The following KCNH5 variants were observed in gnomAD, a reference collection of about 807,000 sequenced individuals.
KCNH5 encodes the protein voltage-gated delayed rectifier potassium channel KCNH5.
In KCNH5, 46 loss-of-function variants were observed where a neutral mutation model predicts 96.1. The ratio of observed to expected loss-of-function variants is 0.48; its 90% CI spans 0.38 to 0.61. KCNH5 has a LOEUF of 0.61. KCNH5 is among the 20% of genes least tolerant of loss of function. The probability of loss-of-function intolerance (pLI) is 0.00; values close to 1 mark genes in which losing one functional copy is unlikely to be tolerated. For synonymous variants in KCNH5, 439 were observed against 449.8 expected, an observed-to-expected ratio of 0.98 and a Z score of 0.30; for missense variants, 907 against 1,225.8, an observed-to-expected ratio of 0.74 and a Z score of 3.88.
intron 4 of KCNH5, among the ~76,000 whole-genome samples, chr14:62,995,360 T>C (rs1488601663): frequency 6.6e-6 from 1 of 152,096 alleles, no homozygotes; most frequent in Non-Finnish European, 1.5e-5. Flanking sequence ...ACACTATTTC[T>C]TGTATGCTGG....
At chr14:62,720,207 T>C (rs1884777237) in intron 10 of KCNH5, among the ~76,000 whole-genome samples, 1 of 151,972 alleles carries the variant, frequency 6.6e-6, no homozygotes, top group Non-Finnish European at 1.5e-5. Context: ...GAAGATATAG[T>C]GGGTAGCCTT....
At chr14:62,945,723 A>T (rs10141487) in intron 7 of KCNH5, among the ~76,000 whole-genome samples, 106,147 of 151,898 alleles carry the variant, frequency 0.7, 37,960 homozygotes, top group East Asian at 0.9. Context: ...TAGAGGCGAT[A>T]CCGTGGAGAG....
At chr14:63,027,147 CAAACTCATAG>C (rs56799949) in intron 1 of KCNH5, among the ~76,000 whole-genome samples, 36,447 of 151,564 alleles carry the variant, frequency 0.24, 5,558 homozygotes, top group East Asian at 0.51. Context: ...TAAAAAAAGT[CAAACTCATAG>C]AAACAGAGAA....
At chr14:62,981,291 A>G (rs1890602623) in intron 5 of KCNH5, 27 bp from the exon 6 acceptor site, 2 of 1,607,958 alleles carry the variant, frequency 1.2e-6, no homozygotes, top group African/African-American at 2.7e-5. Context: ...GTATTTATAC[A>G]TGACTAGGTT....
chr14:62,743,613 G>T (rs1885317317), intron 10 of KCNH5, among the ~76,000 whole-genome samples: 1 of 152,068 alleles, frequency 6.6e-6, no homozygotes, highest in South Asian at 2.1e-4. Context: ...TGCCTCATTT[G>T]TGTAGGTAAA....
At chr14:62,835,218 CAACATGTGTATGTGTAAATGTTG>C (rs1422739848) in intron 8 of KCNH5, among the ~76,000 whole-genome samples, 1 of 151,874 alleles carries the variant, frequency 6.6e-6, no homozygotes, top group East Asian at 1.9e-4. Flanking sequence ...AACCATTTAC[CAACATGTGTATGTGTAAATGTTG>C]ATGTACATGG....
At position 62,701,680 on chromosome 14, in the gene KCNH5, T is replaced by C. The variant is rs1206171173; in HGVS notation, c.*5828A>G. ...GGTTTGGGCTGAAGATTCCAGCATG[T>C]AGTGTTGTAATATCTTGTTTTTTTC... On this transcript the variant is annotated 3_prime_UTR_variant, in exon 11 of 11. Coordinates refer to ENST00000322893, the MANE Select transcript of KCNH5 (RefSeq NM_139318.5). 1 of 152,142 alleles carries C rather than the reference T, an allele frequency of 6.6e-6. No homozygotes were observed. The highest frequency in any genetic ancestry group is 1.5e-5 in the Non-Finnish European group (1 of 67,992). 9.4% of individuals were successfully genotyped at this position (152,142 alleles called of 1,614,324 possible). A position where few individuals can be genotyped will look rare whatever the true frequency, so the allele number is the denominator to read the frequency against.
At chr14:62,885,570 T>C (rs543497814) in intron 7 of KCNH5, among the ~76,000 whole-genome samples, 30 of 152,296 alleles carry the variant, frequency 2.0e-4, no homozygotes, top group African/African-American at 7.2e-4. Flanking sequence ...ACAGTGAAAA[T>C]AACATCATAG....
chr14:62,789,088 C>T (rs1265843257), intron 9 of KCNH5, among the ~76,000 whole-genome samples: 4 of 152,068 alleles, frequency 2.6e-5, no homozygotes, highest in Admixed American at 1.3e-4. Flanking sequence ...CATTTCCTCC[C>T]ACCCTACTCC....
chr14:62,804,432 A>G (rs1886725137), intron 8 of KCNH5, among the ~76,000 whole-genome samples: 1 of 152,206 alleles, frequency 6.6e-6, no homozygotes, highest in Non-Finnish European at 1.5e-5. Flanking sequence ...ACAATGGGTC[A>G]CATCACTGTG....
At chr14:62,989,298 T>A (rs1268535778) in intron 4 of KCNH5, among the ~76,000 whole-genome samples, 2 of 152,080 alleles carry the variant, frequency 1.3e-5, no homozygotes, top group African/African-American at 4.8e-5. Context: ...TATTTTCTGA[T>A]CCAAGTGATT....
intron 4 of KCNH5, among the ~76,000 whole-genome samples, chr14:63,000,447 T>C (rs1215937137): frequency 2.0e-5 from 3 of 152,222 alleles, no homozygotes; most frequent in Non-Finnish European, 4.4e-5. Context: ...CACATGCCAC[T>C]GACTAGTGGT....
chr14:62,748,706 C>G (rs1595605157), intron 10 of KCNH5, among the ~76,000 whole-genome samples: 1 of 152,012 alleles, frequency 6.6e-6, no homozygotes, highest in Admixed American at 6.6e-5. Context: ...GGAGCTCAGT[C>G]AGAGAGCGTT....
In KCNH5 at chr14:62,819,317, A is replaced by G. The variant is rs541584178; in HGVS notation, c.1570-16736T>C. Among the ~76,000 whole-genome samples the G allele has an allele frequency of 3.3e-5, 5 of 152,326 alleles. No homozygotes were observed. The East Asian group carries it at 7.7e-4, about 23-fold the overall frequency. On this transcript the variant is annotated intron_variant, in intron 8 of 10. Transcript: ENST00000322893. Reference sequence around the variant, plus strand: ...ATAAAGTACTGATTCATGCCACAATATGGATGAACTTTGGAAACAGGTCAA... The same window carrying G: ...ATAAAGTACTGATTCATGCCACAATGTGGATGAACTTTGGAAACAGGTCAA...
rs144407097 is a variant in KCNH5, at chr14:62,734,338, C to G, written c.2020-25883G>C. Among the ~76,000 whole-genome samples, 5 of 152,320 alleles carry G rather than the reference C, an allele frequency of 3.3e-5. No individual in the cohort carries two copies. In the East Asian group the frequency reaches 9.6e-4, roughly 29 times the overall value. ...GCACACGGGATGCTCTACTGCTGCTCTGACCCTTACCTCTATCCTCAGTTT... is the reference window on the plus strand; with the variant it reads ...GCACACGGGATGCTCTACTGCTGCTGTGACCCTTACCTCTATCCTCAGTTT... On this transcript the variant is annotated intron_variant, in intron 10 of 10. Coordinates refer to ENST00000322893, the MANE Select transcript of KCNH5 (RefSeq NM_139318.5).
At chr14:62,737,066 A>G (rs1885174036) in intron 10 of KCNH5, among the ~76,000 whole-genome samples, 1 of 152,160 alleles carries the variant, frequency 6.6e-6, no homozygotes, top group Non-Finnish European at 1.5e-5. Flanking sequence ...TGTTCAAGCA[A>G]CAGTTTTTTA....
intron 10 of KCNH5, among the ~76,000 whole-genome samples, chr14:62,760,240 A>G (rs1360918275): frequency 6.6e-6 from 1 of 152,116 alleles, no homozygotes; most frequent in Non-Finnish European, 1.5e-5. Context: ...TTTTCACACG[A>G]GAATGAGTAC....
intron 7 of KCNH5, among the ~76,000 whole-genome samples, chr14:62,908,782 A>AGTTTT (rs71451284): frequency 4.2e-5 from 1 of 23,712 alleles, no homozygotes; most frequent in Non-Finnish European, 7.0e-5. Flanking sequence ...TTTGCTTTGT[A>AGTTTT]TTTTTTTTTT....
intron 5 of KCNH5, among the ~76,000 whole-genome samples, chr14:62,985,447 G>A (rs991387301): frequency 7.2e-5 from 11 of 152,118 alleles, no homozygotes; most frequent in African/African-American, 1.7e-4. Context: ...GAAGTGCTTC[G>A]ACTCACTTTT....
Sources: gnomAD v4.1 joint callset for allele counts (sites outside exome capture counted in the v4.1 genomes callset) on GRCh38, gnomAD v4.1.1 for gene constraint, MANE v1.5 for transcripts, NCBI Gene and HGNC (gene_info 2026-07-23, HGNC 2026-07-21) for gene names.